The following MTR variants were observed in gnomAD, a reference collection of about 807,000 sequenced individuals.
MTR encodes the protein 5-methyltetrahydrofolate-homocysteine methyltransferase, also known as methionine synthase.
MTR carries 84 observed loss-of-function variants against 154.8 expected under a neutral mutation model. That is an observed-to-expected ratio of 0.54 (90% CI 0.45 to 0.65). MTR has a LOEUF of 0.65. Among genes scored for constraint, MTR ranks in the 30% least tolerant of loss-of-function variants. The pLI, the probability that MTR is intolerant of heterozygous loss-of-function variation, is 0.00. For missense variants in MTR, 1,275 were observed against 1,570.2 expected (o/e 0.81, Z 3.18); for synonymous variants, 554 against 553.9 (o/e 1.00, Z 0.00).
In MTR at chr1:236,900,176, A is replaced by C; in HGVS notation, c.*2532A>C. 2.4e-6 allele frequency: 1 copy of C among 409,132 alleles called. No homozygotes were observed. Among genetic ancestry groups the C allele is most frequent in the South Asian group, 1.8e-5 (1 of 55,656 alleles). 25.3% of individuals were successfully genotyped at this position (409,132 alleles called of 1,614,324 possible). ...AAAAGTGAAATGTATGTCTGTCTACAGGAAAATAGGTGAATAATTAGATAT... is the reference window on the plus strand; with the variant it reads ...AAAAGTGAAATGTATGTCTGTCTACCGGAAAATAGGTGAATAATTAGATAT... On this transcript the variant is annotated 3_prime_UTR_variant, in exon 33 of 33. Coordinates refer to ENST00000366577, the MANE Select transcript of MTR (RefSeq NM_000254.3).
In MTR at chr1:236,900,366, G is replaced by A; in HGVS notation, c.*2722G>A. The A allele has an allele frequency of 5.7e-6, 1 of 175,174 alleles. No homozygotes were observed. Among genetic ancestry groups the A allele is most frequent in the South Asian group, 1.2e-4 (1 of 8,392 alleles). 10.9% of individuals were successfully genotyped at this position (175,174 alleles called of 1,614,324 possible). A position where few individuals can be genotyped will look rare whatever the true frequency, so the allele number is the denominator to read the frequency against. ...GAGCCCAAAAACAAGCAAAACCAAA[G>A]AATATGTAGTCTAAGCATACGTATA... is the stretch of plus-strand genomic sequence containing the variant. On this transcript the variant is annotated 3_prime_UTR_variant, in exon 33 of 33. Transcript: ENST00000366577.
intron 8 of MTR, among the ~76,000 whole-genome samples, chr1:236,816,758 T>C (rs1424610029): frequency 1.3e-5 from 2 of 152,232 alleles, no homozygotes; most frequent in African/African-American, 4.8e-5. Flanking sequence ...AGAGTTCTCA[T>C]ACTTACAAAT....
At chr1:236,882,901 C>T (rs904450196) in intron 25 of MTR, among the ~76,000 whole-genome samples, 6 of 152,228 alleles carry the variant, frequency 3.9e-5, no homozygotes, top group Admixed American at 3.9e-4. Context: ...GCTGGTGACA[C>T]TTCAGGAGCC....
At position 236,795,608 on chromosome 1, in the gene MTR, C is replaced by A. The variant is rs762741049; in HGVS notation, c.-96C>A. On this transcript the variant is annotated 5_prime_UTR_variant, in exon 1 of 33. Coordinates refer to ENST00000366577, the MANE Select transcript of MTR (RefSeq NM_000254.3). ...AGACCCGGGCCTTGTGTGGCAGGCT[C>A]GCCTGGCGCTGGCTGGCGTGGCCCT... 674 of 1,602,192 alleles carry A rather than the reference C, an allele frequency of 4.2e-4. No individual in the cohort carries two copies. The highest frequency in any genetic ancestry group is 5.5e-4 in the Non-Finnish European group (649 of 1,177,600).
At position 236,825,244 on chromosome 1, in the gene MTR, T is replaced by C. The variant is rs187490754; in HGVS notation, c.866-94T>C. The C allele has an allele frequency of 1.4e-3, 1,096 of 786,042 alleles. 12 individuals are homozygous for C. In the African/African-American group the frequency reaches 0.018, roughly 13 times the overall value. The allele number at this position is 786,042 out of a possible 1,614,324, so 48.7% of individuals were successfully genotyped here. A position where few individuals can be genotyped will look rare whatever the true frequency, so the allele number is the denominator to read the frequency against. ...GCAAGTAGTCACCATTTAATATAAA[T>C]ATAAAATTATATAGTTATTAACATA... On this transcript the variant is annotated intron_variant, in intron 9 of 32. Transcript: ENST00000366577.
At chr1:236,813,424 C>G (rs569304788) in intron 6 of MTR, among the ~76,000 whole-genome samples, 1 of 152,128 alleles carries the variant, frequency 6.6e-6, no homozygotes, top group Non-Finnish European at 1.5e-5. Context: ...AGGGTATATG[C>G]GTTGTTAATT....
At chr1:236,802,454 G>T (rs1660749562) in intron 1 of MTR, among the ~76,000 whole-genome samples, 1 of 152,042 alleles carries the variant, frequency 6.6e-6, no homozygotes, top group South Asian at 2.1e-4. Flanking sequence ...TGGTTGCTGA[G>T]GTGGAACTGT....
At chr1:236,886,400 G>T in intron 27 of MTR, 33 bp downstream of exon 27, 1 of 1,596,598 alleles carries the variant, frequency 6.3e-7, no homozygotes, top group Non-Finnish European at 8.6e-7. Context: ...GAAAGACTGG[G>T]TGTGGTAACT....
At chr1:236,796,374 T>C (rs952105455) in intron 1 of MTR, among the ~76,000 whole-genome samples, 13 of 152,188 alleles carry the variant, frequency 8.5e-5, no homozygotes, top group Non-Finnish European at 1.5e-4. Flanking sequence ...GCACGAGAAC[T>C]GAACGTAATG....
chr1:236,874,587 A>T, intron 23 of MTR, 139 bp from the exon 24 acceptor site: 1 of 655,922 alleles, frequency 1.5e-6, no homozygotes, highest in African/African-American at 1.8e-5. Context: ...AAAAAAAAAG[A>T]ATTAGGAATT....
Position 236,860,418 on chromosome 1 carries a change from T to C in MTR, c.2043+496T>C, listed in dbSNP as rs545901240. On this transcript the variant is annotated intron_variant, in intron 19 of 32. Transcript: ENST00000366577. ...GAGTTTTGTTTTGTTTTGTTTTTTT[T>C]TGGCTCTGGAGTTTAACATTTAACT... 4.1e-3 allele frequency among the ~76,000 whole-genome samples: 618 copies of C among 152,130 alleles called. 5 individuals are homozygous for C. Among genetic ancestry groups the C allele is most frequent in the African/African-American group, 0.014 (599 of 41,498 alleles).
intron 8 of MTR, 22 bp downstream of exon 8, chr1:236,816,565 A>C: frequency 2.5e-6 from 4 of 1,603,266 alleles, no homozygotes; most frequent in Non-Finnish European, 3.4e-6. Flanking sequence ...ATCTTTCTGT[A>C]ACTTCTTTTC....
chr1:236,803,092 T>G (rs542312706), intron 1 of MTR, among the ~76,000 whole-genome samples: 3 of 152,288 alleles, frequency 2.0e-5, no homozygotes, highest in African/African-American at 7.2e-5. Flanking sequence ...TTAGGGAGTA[T>G]CTGCACAGAA....
rs147030371 is a variant in MTR, at chr1:236,898,952, A to G, written c.*1308A>G. Reference sequence around the variant, plus strand: ...AGTTATTTCAAAAATTTGCATGCAAAATATACACTCATCCTACTTCAAGAT... The same window carrying G: ...AGTTATTTCAAAAATTTGCATGCAAGATATACACTCATCCTACTTCAAGAT... On this transcript the variant is annotated 3_prime_UTR_variant, in exon 33 of 33. Transcript: ENST00000366577. The G allele has an allele frequency of 6.6e-6, 1 of 152,324 alleles. No homozygotes were observed. Among genetic ancestry groups the G allele is most frequent in the African/African-American group, 2.4e-5 (1 of 41,570 alleles). 9.4% of individuals were successfully genotyped at this position (152,324 alleles called of 1,614,324 possible).
At chr1:236,861,098 T>TTTTTTTTTTTTTTTTTTTC (rs1558317977) in intron 19 of MTR, 27 bp from the exon 20 acceptor site, 3 of 361,098 alleles carry the variant, frequency 8.3e-6, no homozygotes, top group South Asian at 3.5e-5. Flanking sequence ...TTTCTTTTTC[T>TTTTTTTTTTTTTTTTTTTC]TTTTTTTTTT....
intron 1 of MTR, among the ~76,000 whole-genome samples, chr1:236,799,294 G>GTT (rs1553309456): frequency 7.8e-5 from 11 of 141,090 alleles, no homozygotes; most frequent in Admixed American, 1.4e-4. Flanking sequence ...GCTAATTTTT[G>GTT]TTTTTTTTTT....
chr1:236,810,535 C>T lies in MTR; in HGVS notation c.442C>T (p.Pro148Ser), dbSNP rs1661233979. 6.2e-7 allele frequency: 1 copy of T among 1,613,784 alleles called. No homozygotes were observed. Among genetic ancestry groups the T allele is most frequent in the Non-Finnish European group, 8.5e-7 (1 of 1,179,814 alleles). The change falls in exon 5 of 33, where the codon CCG (proline) becomes TCG (serine). Residue 148 changes from proline (P) to serine (S), a missense_variant. Coordinates refer to ENST00000366577, the MANE Select transcript of MTR (RefSeq NM_000254.3). ...IKRFVAGALG[P>S]TNKTLSVSPS... ...GAGGTTTGTGGCAGGGGCTCTGGGT[C>T]CGACTAATAAGACACTCTCTGTGTC...
intron 8 of MTR, among the ~76,000 whole-genome samples, chr1:236,821,297 G>A (rs994618435): frequency 6.6e-6 from 1 of 152,194 alleles, no homozygotes; most frequent in Non-Finnish European, 1.5e-5. Context: ...ATTCCCTTGA[G>A]AACTAATTCA....
At position 236,897,923 on chromosome 1, in the gene MTR, C is replaced by CA. The variant is rs964018257; in HGVS notation, c.*280dup. On this transcript the variant is annotated 3_prime_UTR_variant, in exon 33 of 33. Transcript: ENST00000366577. ...CTCTGAGATGGGGACAGACTGAAGACAGAGGTCGTTTGATTTCAAAGCAAG... is the reference window on the plus strand; with the variant it reads ...CTCTGAGATGGGGACAGACTGAAGACAAGAGGTCGTTTGATTTCAAAGCAAG... 1 of 411,638 alleles carries CA rather than the reference C, an allele frequency of 2.4e-6. No homozygotes were observed. Among genetic ancestry groups the CA allele is most frequent in the African/African-American group, 2.1e-5 (1 of 48,520 alleles). 25.5% of individuals were successfully genotyped at this position (411,638 alleles called of 1,614,324 possible). A position where few individuals can be genotyped will look rare whatever the true frequency, so the allele number is the denominator to read the frequency against.
Sources: allele counts gnomAD v4.1 joint callset (sites outside exome capture counted in the v4.1 genomes callset), GRCh38; gene constraint gnomAD v4.1.1; transcripts MANE v1.5; gene names NCBI Gene and HGNC (gene_info 2026-07-23, HGNC 2026-07-21).